The following MYO18B variants were observed in gnomAD, a reference collection of about 807,000 sequenced individuals.
The protein encoded by MYO18B is unconventional myosin-XVIIIb.
In MYO18B, 204 loss-of-function variants were observed where a neutral mutation model predicts 273.0. The ratio of observed to expected loss-of-function variants is 0.75; its 90% CI spans 0.67 to 0.84. The LOEUF is 0.84. Among genes scored for constraint, MYO18B ranks in the 40% least tolerant of loss-of-function variants. The pLI, the probability that MYO18B is intolerant of heterozygous loss-of-function variation, is 0.00. For synonymous variants in MYO18B, 1,330 were observed against 1,305.7 expected, an observed-to-expected ratio of 1.02 and a Z score of -0.40; for missense variants, 3,212 against 3,287.6, an observed-to-expected ratio of 0.98 and a Z score of 0.56.
intron 14 of MYO18B, among the ~76,000 whole-genome samples, chr22:25,827,824 G>A (rs1277100601): frequency 6.6e-6 from 1 of 152,194 alleles, no homozygotes; most frequent in Admixed American, 6.5e-5. Context: ...CAAGGTTTGG[G>A]TTCTCAGAGG....
At chr22:25,868,279 A>T (rs374853863) in intron 21 of MYO18B, 41 bp from the exon 22 acceptor site, 1 of 1,536,740 alleles carries the variant, frequency 6.5e-7, no homozygotes, top group East Asian at 2.4e-5. Context: ...GGATCCTCCT[A>T]CCTTCTATGC....
At chr22:25,827,286 C>A (rs2089529777) in intron 14 of MYO18B, among the ~76,000 whole-genome samples, 2 of 152,140 alleles carry the variant, frequency 1.3e-5, no homozygotes, top group South Asian at 2.1e-4. Flanking sequence ...CATGTCATAC[C>A]TTCAGTTCCC....
chr22:25,995,007 T>A (rs1601785369), intron 40 of MYO18B, among the ~76,000 whole-genome samples: 1 of 152,268 alleles, frequency 6.6e-6, no homozygotes, highest in South Asian at 2.1e-4. Context: ...GGTGACAGGC[T>A]GGAAGAAGGT....
chr22:25,775,634 A>T (rs187777447), intron 7 of MYO18B, among the ~76,000 whole-genome samples: 4 of 151,960 alleles, frequency 2.6e-5, no homozygotes, highest in African/African-American at 9.7e-5. Context: ...CTTCCTGGAA[A>T]CACACCCTTC....
In MYO18B at chr22:25,814,294, C is replaced by CTTTTTTTTTTTTTTTTTTTTTTTTTTTTT. The variant is rs398036691; in HGVS notation, c.2522-9196_2522-9168dup. On this transcript the variant is annotated intron_variant, in intron 12 of 43. Coordinates refer to ENST00000335473, the MANE Select transcript of MYO18B (RefSeq NM_032608.7). ...GCTTGCCATGCTCCCAGGCACCGTT[C>CTTTTTTTTTTTTTTTTTTTTTTTTTTTTT]TTTTTTTTTTTTTTTTTTTTTTTTT... is the stretch of plus-strand genomic sequence containing the variant. Among the ~76,000 whole-genome samples the CTTTTTTTTTTTTTTTTTTTTTTTTTTTTT allele has an allele frequency of 6.7e-5, 4 of 59,432 alleles. 1 individual carries two copies. The highest frequency in any genetic ancestry group is 9.7e-5 in the Non-Finnish European group (3 of 30,808). 39.0% of individuals were successfully genotyped at this position (59,432 alleles called of 152,430 possible).
At chr22:25,805,496 G>A (rs901975624) in intron 12 of MYO18B, among the ~76,000 whole-genome samples, 1 of 152,140 alleles carries the variant, frequency 6.6e-6, no homozygotes, top group Admixed American at 6.5e-5. Context: ...TTATGATCAC[G>A]TCACCCAATT....
chr22:25,791,639 T>A (rs2087666294), intron 11 of MYO18B, among the ~76,000 whole-genome samples: 1 of 152,036 alleles, frequency 6.6e-6, no homozygotes, highest in Non-Finnish European at 1.5e-5. Flanking sequence ...GCAGCAGTGG[T>A]AATAATAATA....
At chr22:25,854,623 C>T (rs59662024) in intron 21 of MYO18B, among the ~76,000 whole-genome samples, 13,998 of 152,270 alleles carry the variant, frequency 0.092, 739 homozygotes, top group Middle Eastern at 0.14. Context: ...ATAACTTTTT[C>T]GTCTTGCAAA....
At chr22:25,937,022 C>T (rs545289752) in intron 34 of MYO18B, among the ~76,000 whole-genome samples, 1 of 152,064 alleles carries the variant, frequency 6.6e-6, no homozygotes, top group East Asian at 1.9e-4. Flanking sequence ...TTGTGATTAT[C>T]CTACTACTAA....
chr22:25,945,311 C>T (rs2092691472), intron 34 of MYO18B, among the ~76,000 whole-genome samples: 1 of 152,074 alleles, frequency 6.6e-6, no homozygotes, highest in Non-Finnish European at 1.5e-5. Flanking sequence ...TTCCACTGTG[C>T]CAGTGTCACC....
intron 12 of MYO18B, among the ~76,000 whole-genome samples, chr22:25,805,079 G>A (rs961881913): frequency 4.6e-5 from 7 of 152,142 alleles, no homozygotes; most frequent in African/African-American, 1.7e-4. Context: ...TCATGTACAG[G>A]TTCTGAGCGT....
chr22:25,896,872 G>A (rs957208352), intron 28 of MYO18B: 3 of 152,134 alleles, frequency 2.0e-5, no homozygotes, highest in African/African-American at 7.2e-5. Context: ...ATTTGAAAGG[G>A]ATGCACAGAA....
the MYO18B span, among the ~76,000 whole-genome samples, chr22:26,050,916 T>G: frequency 6.6e-6 from 1 of 152,178 alleles, no homozygotes; most frequent in Admixed American, 6.5e-5. Flanking sequence ...GAAAAATTGC[T>G]GGAAAGAGTT....
At chr22:25,821,370 G>A (rs1036354370) in intron 12 of MYO18B, among the ~76,000 whole-genome samples, 12 of 151,530 alleles carry the variant, frequency 7.9e-5, no homozygotes, top group African/African-American at 2.7e-4. Flanking sequence ...GGAGTGAGAC[G>A]ATACTTCATT....
rs533247253 is a variant in MYO18B, at chr22:25,949,827, AT to A, written c.5749-538del. On this transcript the variant is annotated intron_variant, in intron 36 of 43. Coordinates refer to ENST00000335473, the MANE Select transcript of MYO18B (RefSeq NM_032608.7). ...TAAAGAGGTGTTTCTACCCTCTAGA[AT>A]TCCTCTCTTCAGAGGTAATGAAGCT... Among the ~76,000 whole-genome samples, 7 of 152,348 alleles carry A rather than the reference AT, an allele frequency of 4.6e-5. 1 individual carries two copies. In the South Asian group the frequency reaches 1.0e-3, roughly 23 times the overall value.
chr22:25,794,884 C>G (rs1274998569), intron 11 of MYO18B, among the ~76,000 whole-genome samples: 1 of 152,212 alleles, frequency 6.6e-6, no homozygotes, highest in Non-Finnish European at 1.5e-5. Context: ...TGAAAGGCTC[C>G]TTTGAGCCCC....
At chr22:25,960,247 C>A (rs2092903269) in intron 39 of MYO18B, among the ~76,000 whole-genome samples, 1 of 152,218 alleles carries the variant, frequency 6.6e-6, no homozygotes, top group African/African-American at 2.4e-5. Flanking sequence ...TCATTCCAGT[C>A]CCTTTGTCAT....
At chr22:25,748,155 G>A (rs750032531) in intron 1 of MYO18B, among the ~76,000 whole-genome samples, 1 of 152,184 alleles carries the variant, frequency 6.6e-6, no homozygotes, top group Non-Finnish European at 1.5e-5. Context: ...AACTGGGGGC[G>A]GATTCCATCA....
intron 14 of MYO18B, among the ~76,000 whole-genome samples, chr22:25,828,572 A>G (rs760369853): frequency 1.3e-5 from 2 of 150,164 alleles, no homozygotes; most frequent in African/African-American, 2.5e-5. Context: ...CCTTATAGCT[A>G]TCCCTGGGAT....
Sources: gnomAD v4.1 joint callset for allele counts (sites outside exome capture counted in the v4.1 genomes callset) on GRCh38, gnomAD v4.1.1 for gene constraint, MANE v1.5 for transcripts, NCBI Gene and HGNC (gene_info 2026-07-23, HGNC 2026-07-21) for gene names.